Variants in PSPC1 observed in about 807,000 individuals in gnomAD.
PSPC1 encodes the protein paraspeckle component 1.
Under a neutral mutation model 51.6 loss-of-function variants are expected in PSPC1, and 14 were observed. That is an observed-to-expected ratio of 0.27 (90% CI 0.18 to 0.42). The LOEUF (loss-of-function observed/expected upper bound fraction) is 0.42, where lower values mean the gene tolerates loss of function less well. Among genes scored for constraint, PSPC1 ranks in the 10% least tolerant of loss-of-function variants. The pLI, the probability that PSPC1 is intolerant of heterozygous loss-of-function variation, is 1.00. For synonymous variants in PSPC1, 193 were observed against 231.9 expected, an observed-to-expected ratio of 0.83 and a Z score of 1.53; for missense variants, 406 against 701.1, an observed-to-expected ratio of 0.58 and a Z score of 4.75.
intron 7 of PSPC1, among the ~76,000 whole-genome samples, chr13:19,708,034 C>T (rs1349753702): frequency 6.6e-5 from 10 of 152,178 alleles, no homozygotes; most frequent in Non-Finnish European, 1.3e-4. Flanking sequence ...AGTAATTTCA[C>T]AATTAAGTTC....
At chr13:19,781,353 T>C (rs570430575) in intron 1 of PSPC1, among the ~76,000 whole-genome samples, 4 of 152,150 alleles carry the variant, frequency 2.6e-5, no homozygotes, top group East Asian at 3.9e-4. Context: ...AGTTTCGCCA[T>C]GTTGGCCAGG....
chr13:19,693,510 A>C (rs1215053368), intron 6 of PSPC1, among the ~76,000 whole-genome samples: 1 of 152,232 alleles, frequency 6.6e-6, no homozygotes, highest in African/African-American at 2.4e-5. Flanking sequence ...AAGATGAATT[A>C]CTAAATGACG....
chr13:19,756,417 A>C (rs1459845522), intron 3 of PSPC1, among the ~76,000 whole-genome samples: 1 of 152,168 alleles, frequency 6.6e-6, no homozygotes, highest in African/African-American at 2.4e-5. Flanking sequence ...TTGGTGAGCC[A>C]GCCAGGAGGA....
At chr13:19,732,777 A>C (rs1454529194) in intron 5 of PSPC1, among the ~76,000 whole-genome samples, 1 of 151,952 alleles carries the variant, frequency 6.6e-6, no homozygotes, top group Admixed American at 6.6e-5. Flanking sequence ...AAATACAAAA[A>C]TTTGCTGGAC....
Position 19,782,021 on chromosome 13 carries a change from T to A in PSPC1, c.372+365A>T, listed in dbSNP as rs758212366. Among the ~76,000 whole-genome samples the A allele has an allele frequency of 1.3e-5, 2 of 152,200 alleles. No individual in the cohort carries two copies. Among genetic ancestry groups the A allele is most frequent in the Non-Finnish European group, 2.9e-5 (2 of 68,030 alleles). On this transcript the variant is annotated intron_variant, in intron 1 of 8. Coordinates refer to ENST00000338910, the MANE Select transcript of PSPC1 (RefSeq NM_001354909.2). This position sits in a 1 kb window ranked among gnomAD's most constrained non-coding sequence, Gnocchi z 4.5. ...CTCACCCCAAAACGCTGCCCGCCCC[T>A]GTCCCCGGACCCTTTCGGTACCCGG...
At chr13:19,776,090 G>A (rs1889092194) in intron 1 of PSPC1, among the ~76,000 whole-genome samples, 2 of 151,894 alleles carry the variant, frequency 1.3e-5, no homozygotes, top group South Asian at 4.2e-4. Flanking sequence ...GAAGAAATAT[G>A]AAGACATTTA....
intron 1 of PSPC1, among the ~76,000 whole-genome samples, chr13:19,780,123 T>G (rs1351229487): frequency 1.9e-5 from 1 of 53,444 alleles, no homozygotes; most frequent in African/African-American, 4.7e-5. Context: ...AGCCGCCCCG[T>G]CCGGGAGGGA....
intron 5 of PSPC1, among the ~76,000 whole-genome samples, chr13:19,736,670 G>A (rs752045494): frequency 2.0e-5 from 3 of 152,084 alleles, no homozygotes; most frequent in Admixed American, 1.3e-4. Context: ...GCGACAGAGT[G>A]AGACTCCGTC....
At chr13:19,701,528 G>C (rs1321558756), downstream of PSPC1, among the ~76,000 whole-genome samples, 1 of 152,078 alleles carries the variant, frequency 6.6e-6, no homozygotes, top group African/African-American at 2.4e-5. Context: ...AAAAACAAAA[G>C]CCTATGAATA....
intron 2 of PSPC1, among the ~76,000 whole-genome samples, chr13:19,765,816 T>TA (rs1175365851): frequency 6.6e-6 from 1 of 152,126 alleles, no homozygotes; most frequent in Non-Finnish European, 1.5e-5. Flanking sequence ...GTTGCTTTCC[T>TA]AAAAAGTTAA....
At chr13:19,713,814 G>A (rs189593085) in intron 6 of PSPC1, among the ~76,000 whole-genome samples, 142 of 152,206 alleles carry the variant, frequency 9.3e-4, no homozygotes, top group African/African-American at 3.3e-3. Flanking sequence ...AGTACACTAA[G>A]AGTCCCCAAA....
In PSPC1 at chr13:19,712,746, AAT is replaced by A. The variant is rs578242354; in HGVS notation, c.1159-3149_1159-3148del. On this transcript the variant is annotated intron_variant, in intron 6 of 8. Transcript: ENST00000338910. ...AGGCACATTACAGCATTTTTCACTA[AAT>A]ATATATATATATACTTGTACTTAGT... Among the ~76,000 whole-genome samples, 222 of 150,804 alleles carry A rather than the reference AAT, an allele frequency of 1.5e-3. 2 individuals are homozygous for A. The highest frequency in any genetic ancestry group is 4.7e-3 in the African/African-American group (193 of 41,236).
At chr13:19,734,809 A>C (rs1230721417) in intron 5 of PSPC1, among the ~76,000 whole-genome samples, 2 of 151,318 alleles carry the variant, frequency 1.3e-5, no homozygotes, top group African/African-American at 4.9e-5. Context: ...CTCAAAAAAA[A>C]AATAATAAGA....
At chr13:19,683,173 T>G (rs1203284351) in intron 6 of PSPC1, among the ~76,000 whole-genome samples, 1 of 152,178 alleles carries the variant, frequency 6.6e-6, no homozygotes, top group Non-Finnish European at 1.5e-5. Flanking sequence ...CCTAGGAATT[T>G]TCCCCAAGAG....
At chr13:19,735,411 T>C (rs1884666597) in intron 5 of PSPC1, among the ~76,000 whole-genome samples, 1 of 152,142 alleles carries the variant, frequency 6.6e-6, no homozygotes. Flanking sequence ...GAATAACTAC[T>C]AAGTGGTCAA....
chr13:19,743,830 T>A (rs1885676967), intron 4 of PSPC1, among the ~76,000 whole-genome samples: 1 of 152,106 alleles, frequency 6.6e-6, no homozygotes, highest in Non-Finnish European at 1.5e-5. Flanking sequence ...TGACCAGTAT[T>A]TAAGTAATGG....
At chr13:19,745,324 T>A (rs1358607821) in intron 4 of PSPC1, among the ~76,000 whole-genome samples, 2 of 152,152 alleles carry the variant, frequency 1.3e-5, no homozygotes, top group East Asian at 1.9e-4. Flanking sequence ...CTCAAATTAA[T>A]TAATTAATTA....
At chr13:19,770,356 T>C (rs1348234124) in intron 2 of PSPC1, among the ~76,000 whole-genome samples, 1 of 152,200 alleles carries the variant, frequency 6.6e-6, no homozygotes, top group Non-Finnish European at 1.5e-5. Flanking sequence ...AGTACATATG[T>C]TTGTTAAAAC....
chr13:19,736,544 G>A (rs1884838038), intron 5 of PSPC1, among the ~76,000 whole-genome samples: 1 of 152,034 alleles, frequency 6.6e-6, no homozygotes, highest in Non-Finnish European at 1.5e-5. Flanking sequence ...TTAGCCAGGT[G>A]TGGTGACAGG....
Sources: allele counts gnomAD v4.1 joint callset (sites outside exome capture counted in the v4.1 genomes callset), GRCh38; gene constraint gnomAD v4.1.1; non-coding constraint Gnocchi (gnomAD v3.1); transcripts MANE v1.5; gene names NCBI Gene and HGNC (gene_info 2026-07-23, HGNC 2026-07-21).